The following SYK variants were observed in gnomAD, a reference collection of about 807,000 sequenced individuals.
SYK encodes tyrosine-protein kinase SYK.
Under a neutral mutation model 77.8 loss-of-function variants are expected in SYK, and 16 were observed. The ratio of observed to expected loss-of-function variants is 0.21; its 90% CI spans 0.14 to 0.31. SYK has a LOEUF of 0.31. Among genes scored for constraint, SYK ranks in the 10% least tolerant of loss-of-function variants. The probability of loss-of-function intolerance (pLI) is 1.00; values close to 1 mark genes in which losing one functional copy is unlikely to be tolerated. For missense variants in SYK, 529 were observed against 814.4 expected, an observed-to-expected ratio of 0.65 and a Z score of 4.26; for synonymous variants, 312 against 308.7, an observed-to-expected ratio of 1.01 and a Z score of -0.11.
At position 90,884,262 on chromosome 9, in the gene SYK, CAT is replaced by C. The variant is rs1564120310; in HGVS notation, c.1582-3485_1582-3484del. ...GTGTATATATACACATACACATACA[CAT>C]ACGTGTATATATACACACATATACA... On this transcript the variant is annotated intron_variant, in intron 11 of 13. Transcript: ENST00000375754. Among the ~76,000 whole-genome samples, 32 of 127,690 alleles carry C rather than the reference CAT, an allele frequency of 2.5e-4. 1 individual carries two copies. The highest frequency in any genetic ancestry group is 4.0e-4 in the Non-Finnish European group (23 of 58,108). 83.8% of individuals were successfully genotyped at this position (127,690 alleles called of 152,430 possible).
At chr9:90,841,688 TATG>T (rs1463099504) in intron 1 of SYK, among the ~76,000 whole-genome samples, 1 of 150,606 alleles carries the variant, frequency 6.6e-6, no homozygotes, top group African/African-American at 2.4e-5. Flanking sequence ...TTGTGTGTGA[TATG>T]TGTGTAGTAT....
chr9:90,842,740 T>C (rs1826416332), intron 1 of SYK, among the ~76,000 whole-genome samples: 1 of 148,108 alleles, frequency 6.8e-6, no homozygotes, highest in Admixed American at 6.9e-5. Context: ...GCATGTAGTG[T>C]GCATGTGGTA....
intron 3 of SYK, among the ~76,000 whole-genome samples, chr9:90,856,740 C>A (rs927467753): frequency 2.6e-5 from 4 of 152,042 alleles, no homozygotes; most frequent in African/African-American, 9.7e-5. Context: ...ACTACCGAAA[C>A]TTTTGGAGGA....
chr9:90,810,378 T>A (rs1017719959), intron 1 of SYK, among the ~76,000 whole-genome samples: 1 of 152,170 alleles, frequency 6.6e-6, no homozygotes, highest in Non-Finnish European at 1.5e-5. Flanking sequence ...ACCAGTCATG[T>A]TGGAGTAGGG....
chr9:90,836,573 C>T (rs144680849), intron 1 of SYK, among the ~76,000 whole-genome samples: 111 of 152,222 alleles, frequency 7.3e-4, no homozygotes, highest in African/African-American at 2.6e-3. Flanking sequence ...GTGATGAGCT[C>T]GAGAGTTGCA....
At chr9:90,816,422 G>A (rs543551322) in intron 1 of SYK, among the ~76,000 whole-genome samples, 6 of 152,276 alleles carry the variant, frequency 3.9e-5, no homozygotes, top group South Asian at 2.1e-4. Flanking sequence ...TATGCCTCTG[G>A]TTGGACACGT....
chr9:90,831,292 G>C (rs975188759), intron 1 of SYK, among the ~76,000 whole-genome samples: 3 of 152,214 alleles, frequency 2.0e-5, no homozygotes, highest in African/African-American at 7.2e-5. Flanking sequence ...CCATGCTTCA[G>C]TGGGTCTCAA....
intron 1 of SYK, among the ~76,000 whole-genome samples, chr9:90,825,242 G>C (rs892940627): frequency 6.6e-6 from 1 of 152,162 alleles, no homozygotes; most frequent in African/African-American, 2.4e-5. Context: ...AAATGGAAAA[G>C]TAGTCCATGT....
rs772955209 is a variant in SYK at position 90,843,805 on chromosome 9, G to A, written c.-41-53G>A. Reference sequence around the variant, plus strand: ...AAGGGTTTGAGTGGTTTTAGCAAACGTTCCCTGCCACGTGGGGTCCTCACC... The same window carrying A: ...AAGGGTTTGAGTGGTTTTAGCAAACATTCCCTGCCACGTGGGGTCCTCACC... On this transcript the variant is annotated intron_variant, in intron 1 of 13. Transcript: ENST00000375754. The A allele has an allele frequency of 3.5e-5, 48 of 1,354,466 alleles. No homozygotes were observed. In the African/African-American group the frequency reaches 6.2e-4, roughly 18 times the overall value. 83.9% of individuals were successfully genotyped at this position (1,354,466 alleles called of 1,614,324 possible). A position where few individuals can be genotyped will look rare whatever the true frequency, so the allele number is the denominator to read the frequency against.
chr9:90,873,258 T>C (rs936408389), intron 7 of SYK, among the ~76,000 whole-genome samples: 28 of 151,978 alleles, frequency 1.8e-4, no homozygotes, highest in African/African-American at 6.5e-4. Flanking sequence ...TTCTCCATAA[T>C]CTGGCAGTAT....
At chr9:90,851,937 A>T (rs2118701269) in intron 3 of SYK, among the ~76,000 whole-genome samples, 1 of 152,276 alleles carries the variant, frequency 6.6e-6, no homozygotes, top group Non-Finnish European at 1.5e-5. Flanking sequence ...ATAAATTAGA[A>T]TTTTTTTAAA....
Position 90,884,256 on chromosome 9 carries a change from C to CATACACATACGTGTATATATACACACAT in SYK, c.1582-3454_1582-3427dup, listed in dbSNP as rs1336279636. On this transcript the variant is annotated intron_variant, in intron 11 of 13. Transcript: ENST00000375754. ...ACATACGTGTATATATACACATACA[C>CATACACATACGTGTATATATACACACAT]ATACACATACGTGTATATATACACA... Among the ~76,000 whole-genome samples the CATACACATACGTGTATATATACACACAT allele has an allele frequency of 8.9e-5, 9 of 100,696 alleles. 1 individual carries two copies. The highest frequency in any genetic ancestry group is 8.5e-4 in the Admixed American group (7 of 8,208). The allele number at this position is 100,696 out of a possible 152,430, so 66.1% of individuals were successfully genotyped here. A position where few individuals can be genotyped will look rare whatever the true frequency, so the allele number is the denominator to read the frequency against.
chr9:90,832,161 C>T (rs142469700), intron 1 of SYK, among the ~76,000 whole-genome samples: 2 of 152,174 alleles, frequency 1.3e-5, no homozygotes, highest in African/African-American at 4.8e-5. Context: ...AGCAACTGTT[C>T]AGGATTTGCA....
At chr9:90,868,233 A>G (rs1827591728) in intron 7 of SYK, among the ~76,000 whole-genome samples, 1 of 152,226 alleles carries the variant, frequency 6.6e-6, no homozygotes, top group Non-Finnish European at 1.5e-5. Context: ...TAAAGTAACT[A>G]TGTCTGTTTT....
chr9:90,835,379 C>T (rs1422159283), intron 1 of SYK, among the ~76,000 whole-genome samples: 1 of 152,228 alleles, frequency 6.6e-6, no homozygotes, highest in Non-Finnish European at 1.5e-5. Context: ...GAAATCTTGG[C>T]AGCGTCACTG....
chr9:90,841,174 T>TG, intron 1 of SYK, among the ~76,000 whole-genome samples: 1 of 149,376 alleles, frequency 6.7e-6, no homozygotes, highest in Non-Finnish European at 1.5e-5. Context: ...TTTGTGTGTG[T>TG]TTTTATGTGT....
At chr9:90,884,703 G>A (rs1214110021) in intron 11 of SYK, among the ~76,000 whole-genome samples, 46 of 20,266 alleles carry the variant, frequency 2.3e-3, no homozygotes, top group African/African-American at 9.4e-3. Context: ...ATGTGTACAT[G>A]TACATATACA....
At chr9:90,815,597 C>G (rs1825261783) in intron 1 of SYK, among the ~76,000 whole-genome samples, 1 of 152,280 alleles carries the variant, frequency 6.6e-6, no homozygotes, top group African/African-American at 2.4e-5. Flanking sequence ...ACCACCAGCA[C>G]TCAGGCTCCA....
chr9:90,884,633 A>G lies in SYK; in HGVS notation c.1582-3116A>G, dbSNP rs768289969. ...TATACACATATACACATATGTGTAC[A>G]TGTACATATATACACATATACACAT... On this transcript the variant is annotated intron_variant, in intron 11 of 13. Coordinates refer to ENST00000375754, the MANE Select transcript of SYK (RefSeq NM_003177.7). Among the ~76,000 whole-genome samples the G allele has an allele frequency of 3.4e-4, 24 of 71,634 alleles. 9 individuals carry two copies. Among genetic ancestry groups the G allele is most frequent in the African/African-American group, 1.5e-3 (22 of 15,002 alleles). The allele number at this position is 71,634 out of a possible 152,430, so 47.0% of individuals were successfully genotyped here. A position where few individuals can be genotyped will look rare whatever the true frequency, so the allele number is the denominator to read the frequency against.
Sources: allele counts gnomAD v4.1 joint callset (sites outside exome capture counted in the v4.1 genomes callset), GRCh38; gene constraint gnomAD v4.1.1; transcripts MANE v1.5; gene names NCBI Gene and HGNC (gene_info 2026-07-23, HGNC 2026-07-21).